MOB2: variants seen among roughly 807,000 people sequenced by gnomAD.
The protein encoded by MOB2 is MOB kinase activator 2.
Under a neutral mutation model 27.4 loss-of-function variants are expected in MOB2, and 14 were observed. That is an observed-to-expected ratio of 0.51 (90% CI 0.34 to 0.80). The LOEUF (loss-of-function observed/expected upper bound fraction) is 0.80. Among genes scored for constraint, MOB2 ranks in the 30% least tolerant of loss-of-function variants. The probability of loss-of-function intolerance (pLI) is 0.01; values close to 1 mark genes in which losing one functional copy is unlikely to be tolerated. For missense variants in MOB2, 304 were observed against 354.6 expected, an observed-to-expected ratio of 0.86 and a Z score of 1.15; for synonymous variants, 167 against 151.8, an observed-to-expected ratio of 1.10 and a Z score of -0.74.
At chr11:1,483,094 C>G (rs928836519) in intron 1 of MOB2, among the ~76,000 whole-genome samples, 1 of 152,232 alleles carries the variant, frequency 6.6e-6, no homozygotes, top group East Asian at 1.9e-4. Flanking sequence ...ACCTCTGCGG[C>G]GCCCCCCGCA....
Position 1,470,144 on chromosome 11 carries a change from A to G in MOB2, c.*28T>C. On this transcript the variant is annotated 3_prime_UTR_variant, in exon 5 of 5. Coordinates refer to ENST00000329957, the MANE Select transcript of MOB2 (RefSeq NM_001172223.3). ...AACACACACCACCGTCTCTTTGCAC[A>G]CGTGTGCCCCTGTCCGGCCCGGGGG... 4 of 1,566,006 alleles carry G rather than the reference A, an allele frequency of 2.6e-6. No homozygotes were observed. The highest frequency in any genetic ancestry group is 3.5e-6 in the Non-Finnish European group (4 of 1,156,208).
rs113734460 is a variant in MOB2, at chr11:1,469,813, C to T, written c.*359G>A. 7.0e-5 allele frequency: 37 copies of T among 529,936 alleles called. No homozygotes were observed. Among genetic ancestry groups the T allele is most frequent in the East Asian group, 5.3e-4 (11 of 20,688 alleles). 32.8% of individuals were successfully genotyped at this position (529,936 alleles called of 1,614,324 possible). ...AGGTCTGCAAATCACACCCTCCCCC[C>T]ACGAGTTCCTCCTTTGAGGCCAGCA... On this transcript the variant is annotated 3_prime_UTR_variant, in exon 5 of 5. Coordinates refer to ENST00000329957, the MANE Select transcript of MOB2 (RefSeq NM_001172223.3).
At position 1,470,094 on chromosome 11, in the gene MOB2, G is replaced by A; in HGVS notation, c.*78C>T. ...CTCACCACACGCGTGCCCAGCACAT[G>A]TGTGCACACGCAGATGCAGGAGAGA... On this transcript the variant is annotated 3_prime_UTR_variant, in exon 5 of 5. Transcript: ENST00000329957. 6.5e-7 allele frequency: 1 copy of A among 1,546,112 alleles called. No individual in the cohort carries two copies. The highest frequency in any genetic ancestry group is 8.7e-7 in the Non-Finnish European group (1 of 1,146,976).
chr11:1,477,436 CAG>C (rs1847863704), intron 3 of MOB2, among the ~76,000 whole-genome samples: 1 of 152,206 alleles, frequency 6.6e-6, no homozygotes, highest in Admixed American at 6.5e-5. Flanking sequence ...GTGTGACACA[CAG>C]GGTGCTTATG....
chr11:1,472,085 G>A (rs1336912611), intron 3 of MOB2: 2 of 152,220 alleles, frequency 1.3e-5, no homozygotes, highest in Non-Finnish European at 1.5e-5. Context: ...GCCTCTTACT[G>A]TTGGGTCCAG....
intron 3 of MOB2, among the ~76,000 whole-genome samples, chr11:1,479,175 G>A (rs961118181): frequency 6.6e-6 from 1 of 152,194 alleles, no homozygotes; most frequent in Non-Finnish European, 1.5e-5. Context: ...CAGGAGCAGA[G>A]CCTCTGGGAA....
At chr11:1,483,966 G>T (rs574542913) in intron 1 of MOB2, among the ~76,000 whole-genome samples, 3 of 152,314 alleles carry the variant, frequency 2.0e-5, no homozygotes, top group African/African-American at 7.2e-5. Context: ...TTCACAGGCA[G>T]GGGGAGCTGG....
intron 3 of MOB2, chr11:1,472,033 G>A (rs1382227019): frequency 6.6e-6 from 1 of 152,474 alleles, no homozygotes; most frequent in African/African-American, 2.4e-5. Context: ...CGTGGCCCCA[G>A]AGCAGGCTGG....
At position 1,471,389 on chromosome 11, in the gene MOB2, C is replaced by T. The variant is rs140086935; in HGVS notation, c.396G>A (p.Lys132=). Residue 132 remains lysine (K), a synonymous_variant, in exon 4 of 5, where the codon AAG becomes AAA. Transcript: ENST00000329957. ...ACTGTGGGGCCGTGCACTTGACCTT[C>T]TTCCCCCGCTCGTCATACCAGTAGT... ...TQYYWYDERG[K]KVKCTAPQYV... is the part of the protein sequence containing the mutation. 1.9e-5 allele frequency: 30 copies of T among 1,613,478 alleles called. No individual in the cohort carries two copies. In the East Asian group the frequency reaches 5.8e-4, roughly 31 times the overall value.
chr11:1,471,480 T>A, intron 3 of MOB2, 61 bp from the exon 4 acceptor site: 1 of 1,556,664 alleles, frequency 6.4e-7, no homozygotes, highest in Non-Finnish European at 8.7e-7. Flanking sequence ...AGCCACTGGG[T>A]CCCACCCGCT....
intron 3 of MOB2, among the ~76,000 whole-genome samples, chr11:1,477,513 G>A (rs907445271): frequency 6.6e-6 from 1 of 152,184 alleles, no homozygotes; most frequent in Non-Finnish European, 1.5e-5. Flanking sequence ...GGGCCTTTGG[G>A]AGGCGATGAG....
In MOB2 at chr11:1,486,717, A is replaced by T; in HGVS notation, c.-161T>A. 3 of 568,422 alleles carry T rather than the reference A, an allele frequency of 5.3e-6. No homozygotes were observed. Among genetic ancestry groups the T allele is most frequent in the Non-Finnish European group, 3.2e-6 (1 of 316,938 alleles). 35.2% of individuals were successfully genotyped at this position (568,422 alleles called of 1,614,324 possible). A position where few individuals can be genotyped will look rare whatever the true frequency, so the allele number is the denominator to read the frequency against. ...CCTTTCCAGAGGCAAGGGCTGGCCA[A>T]GGCTGGTGAAACGAGGGAGCGTCTG... On this transcript the variant is annotated 5_prime_UTR_variant, in exon 1 of 5. It adds an upstream start codon to the 5' untranslated region. Coordinates refer to ENST00000329957, the MANE Select transcript of MOB2 (RefSeq NM_001172223.3).
chr11:1,477,640 G>C (rs1847866940), intron 3 of MOB2, among the ~76,000 whole-genome samples: 1 of 152,148 alleles, frequency 6.6e-6, no homozygotes, highest in Non-Finnish European at 1.5e-5. Context: ...CACTGAATCT[G>C]GCTAATCAGA....
chr11:1,470,667 CT>C (rs1277612771), intron 4 of MOB2, among the ~76,000 whole-genome samples, 179 bp from the exon 5 acceptor site: 1 of 152,256 alleles, frequency 6.6e-6, no homozygotes, highest in Non-Finnish European at 1.5e-5. Flanking sequence ...ACCACAGGGA[CT>C]TGCCAACCCC....
intron 3 of MOB2, among the ~76,000 whole-genome samples, chr11:1,480,082 C>G (rs1180559567): frequency 6.6e-6 from 1 of 152,230 alleles, no homozygotes; most frequent in Non-Finnish European, 1.5e-5. Flanking sequence ...TCACGGGAGC[C>G]AGCGGAGAAG....
intron 3 of MOB2, 153 bp from the exon 4 acceptor site, chr11:1,471,572 T>C: frequency 1.2e-6 from 1 of 843,298 alleles, no homozygotes; most frequent in Non-Finnish European, 1.8e-6. Flanking sequence ...ATGCACACTG[T>C]CCCCACACAC....
intron 3 of MOB2, chr11:1,472,388 G>A (rs1847803886): frequency 6.6e-6 from 1 of 152,414 alleles, no homozygotes; most frequent in Admixed American, 6.5e-5. Context: ...TATGGGTCGG[G>A]ATTTCCTCCC....
At chr11:1,482,628 C>T (rs1847927152) in intron 1 of MOB2, among the ~76,000 whole-genome samples, 1 of 152,236 alleles carries the variant, frequency 6.6e-6, no homozygotes, top group African/African-American at 2.4e-5. Flanking sequence ...GCTGCTCCCC[C>T]AGTCTCACCC....
chr11:1,481,694 G>A (rs1369833521), intron 1 of MOB2: 1 of 140,502 alleles, frequency 7.1e-6, no homozygotes, highest in East Asian at 2.1e-4. Context: ...GCCAGAGCCA[G>A]GCAGGGAGCA....
Sources: gnomAD v4.1 joint callset for allele counts (sites outside exome capture counted in the v4.1 genomes callset) on GRCh38, gnomAD v4.1.1 for gene constraint, MANE v1.5 for transcripts, NCBI Gene and HGNC (gene_info 2026-07-23, HGNC 2026-07-21) for gene names.